The following GRM5 variants were observed in gnomAD, a reference collection of about 807,000 sequenced individuals.
GRM5 encodes the protein glutamate metabotropic receptor 5, also known as metabotropic glutamate receptor 5.
GRM5 carries 19 observed loss-of-function variants against 83.1 expected under a neutral mutation model. The observed-to-expected ratio is 0.23, with a 90% confidence interval of 0.16 to 0.34. The LOEUF is 0.34. GRM5 is among the 10% of genes least tolerant of loss of function. The pLI, the probability that GRM5 is intolerant of heterozygous loss-of-function variation, is 1.00. For missense variants in GRM5, 1,160 were observed against 1,588.3 expected, an observed-to-expected ratio of 0.73 and a Z score of 4.58; for synonymous variants, 675 against 633.6, an observed-to-expected ratio of 1.07 and a Z score of -0.98.
At chr11:88,763,714 G>T (rs140950415) in intron 3 of GRM5, among the ~76,000 whole-genome samples, 1 of 151,806 alleles carries the variant, frequency 6.6e-6, no homozygotes, top group African/African-American at 2.4e-5. Context: ...TAAGGTGTTA[G>T]ATGTAATCCC....
intron 2 of GRM5, among the ~76,000 whole-genome samples, chr11:88,986,218 G>C (rs1010856727): frequency 6.6e-6 from 1 of 152,088 alleles, no homozygotes; most frequent in Admixed American, 6.5e-5. Context: ...ATAATCTCTA[G>C]AGAGTTATGC....
intron 2 of GRM5, among the ~76,000 whole-genome samples, chr11:88,988,614 G>A (rs1032623419): frequency 3.6e-4 from 54 of 150,982 alleles, no homozygotes; most frequent in Non-Finnish European, 3.4e-4. Flanking sequence ...CAGAGAGAAA[G>A]GTCGGGTTAC....
chr11:88,635,681 T>C (rs1311636485), intron 4 of GRM5, among the ~76,000 whole-genome samples: 2 of 152,204 alleles, frequency 1.3e-5, no homozygotes, highest in African/African-American at 2.4e-5. Context: ...ATGAGCTTTC[T>C]AGTTTGATTA....
intron 8 of GRM5, among the ~76,000 whole-genome samples, chr11:88,550,947 T>C (rs1942493591): frequency 6.6e-6 from 1 of 152,138 alleles, no homozygotes; most frequent in African/African-American, 2.4e-5. Context: ...TTGGGCAATT[T>C]ATTTAACCTC....
chr11:88,561,595 T>C (rs1297165966), intron 8 of GRM5, among the ~76,000 whole-genome samples: 2 of 152,156 alleles, frequency 1.3e-5, no homozygotes, highest in African/African-American at 2.4e-5. Flanking sequence ...ATTTGTCAAT[T>C]TGCAGCTGAA....
intron 3 of GRM5, among the ~76,000 whole-genome samples, chr11:88,731,557 A>G (rs1941808572): frequency 6.6e-6 from 1 of 152,076 alleles, no homozygotes; most frequent in Admixed American, 6.6e-5. Context: ...TTCAACCAAC[A>G]TCACTGGAAT....
At chr11:88,767,470 T>A (rs188424788) in intron 3 of GRM5, among the ~76,000 whole-genome samples, 1 of 152,102 alleles carries the variant, frequency 6.6e-6, no homozygotes, top group African/African-American at 2.4e-5. Flanking sequence ...GTGGTACATG[T>A]ACACCATGGA....
At chr11:88,623,412 G>A (rs1938698725) in intron 4 of GRM5, among the ~76,000 whole-genome samples, 1 of 152,058 alleles carries the variant, frequency 6.6e-6, no homozygotes, top group South Asian at 2.1e-4. Context: ...TTACAGGTGT[G>A]AGCCACCGTG....
intron 3 of GRM5, among the ~76,000 whole-genome samples, chr11:88,740,349 C>A (rs1942001058): frequency 6.6e-6 from 1 of 151,810 alleles, no homozygotes; most frequent in Non-Finnish European, 1.5e-5. Context: ...AGTTATTTAC[C>A]TTTCTTATTA....
At chr11:88,684,070 C>T (rs1225529879) in intron 3 of GRM5, among the ~76,000 whole-genome samples, 1 of 152,008 alleles carries the variant, frequency 6.6e-6, no homozygotes, top group African/African-American at 2.4e-5. Context: ...AAACAATGTC[C>T]TGGGAAGAAG....
intron 2 of GRM5, among the ~76,000 whole-genome samples, chr11:88,983,705 T>C (rs1166297348): frequency 6.6e-6 from 1 of 152,148 alleles, no homozygotes; most frequent in Non-Finnish European, 1.5e-5. Context: ...TTTTAGAATA[T>C]ACTCCTTCTG....
intron 3 of GRM5, among the ~76,000 whole-genome samples, chr11:88,709,159 C>T (rs1051335484): frequency 1.3e-5 from 2 of 151,888 alleles, no homozygotes; most frequent in African/African-American, 4.8e-5. Context: ...TCAGAAAAAG[C>T]ACTCCAAAGG....
chr11:89,019,278 T>C (rs1369430322), intron 2 of GRM5, among the ~76,000 whole-genome samples: 5 of 152,222 alleles, frequency 3.3e-5, no homozygotes, highest in Admixed American at 6.5e-5. Context: ...ATTGAGGGTA[T>C]GTGCTGTCAT....
At chr11:88,889,717 A>C (rs1045254456) in intron 2 of GRM5, among the ~76,000 whole-genome samples, 1 of 152,136 alleles carries the variant, frequency 6.6e-6, no homozygotes, top group Admixed American at 6.6e-5. Flanking sequence ...TATTTTTCTC[A>C]GTTGACTAAA....
intron 2 of GRM5, among the ~76,000 whole-genome samples, chr11:88,966,194 A>C (rs1274225119): frequency 6.6e-6 from 1 of 152,112 alleles, no homozygotes; most frequent in Non-Finnish European, 1.5e-5. Context: ...CTGAATGAAA[A>C]TGGAAATAAG....
intron 8 of GRM5, among the ~76,000 whole-genome samples, chr11:88,538,732 G>A (rs1942194743): frequency 6.6e-6 from 1 of 152,166 alleles, no homozygotes; most frequent in African/African-American, 2.4e-5. Flanking sequence ...CTAAGTCCCT[G>A]AATTTACTGA....
At chr11:88,837,815 T>C (rs1470804664) in intron 3 of GRM5, among the ~76,000 whole-genome samples, 1 of 152,118 alleles carries the variant, frequency 6.6e-6, no homozygotes, top group Non-Finnish European at 1.5e-5. Context: ...CCGGGCGCGG[T>C]GGCTCACGCC....
intron 2 of GRM5, among the ~76,000 whole-genome samples, chr11:88,947,941 T>C (rs1938334713): frequency 1.3e-5 from 2 of 152,066 alleles, no homozygotes; most frequent in South Asian, 4.1e-4. Flanking sequence ...AAGTCGCAAA[T>C]TGGATAGTGT....
intron 2 of GRM5, among the ~76,000 whole-genome samples, chr11:88,976,206 G>C (rs1247144467): frequency 2.0e-5 from 3 of 152,154 alleles, no homozygotes; most frequent in Non-Finnish European, 2.9e-5. Flanking sequence ...AAAATACATA[G>C]AGTGTGTGCA....
Sources: allele counts gnomAD v4.1 joint callset (sites outside exome capture counted in the v4.1 genomes callset), GRCh38; gene constraint gnomAD v4.1.1; transcripts MANE v1.5; gene names NCBI Gene and HGNC (gene_info 2026-07-23, HGNC 2026-07-21).